FHIT: variants seen among roughly 807,000 people sequenced by gnomAD.
The protein encoded by FHIT is bis(5'-adenosyl)-triphosphatase.
In FHIT, 19 loss-of-function variants were observed where a neutral mutation model predicts 17.9. The observed-to-expected ratio is 1.06, with a 90% CI of 0.74 to 1.56. FHIT has a LOEUF of 1.56. Ranked by LOEUF, FHIT falls within the 40% of genes most tolerant of loss-of-function variation. The probability of loss-of-function intolerance (pLI) is 0.00; values close to 1 mark genes in which losing one functional copy is unlikely to be tolerated. For missense variants in FHIT, 248 were observed against 189.2 expected (o/e 1.31, Z -1.82); for synonymous variants, 81 against 69.7 (o/e 1.16, Z -0.81).
intron 9 of FHIT, chr3:59,750,668 A>T (rs932424767): frequency 1.4e-5 from 3 of 220,292 alleles, no homozygotes; most frequent in Non-Finnish European, 1.8e-5. Flanking sequence ...CAAGGATCTG[A>T]GTACAACACC....
intron 4 of FHIT, among the ~76,000 whole-genome samples, chr3:60,639,056 G>A (rs556039464): frequency 2.7e-5 from 4 of 146,352 alleles, no homozygotes; most frequent in Non-Finnish European, 4.5e-5. Context: ...ACCAAGGCAT[G>A]CAAGATTCAA....
At chr3:60,745,799 A>G (rs1279206781) in intron 4 of FHIT, among the ~76,000 whole-genome samples, 1 of 152,196 alleles carries the variant, frequency 6.6e-6, no homozygotes, top group Non-Finnish European at 1.5e-5. Context: ...TGATTCTGTG[A>G]AGCTGAGTAA....
chr3:60,690,611 G>A, intron 4 of FHIT: 13 of 530,064 alleles, frequency 2.5e-5, no homozygotes, highest in South Asian at 1.6e-4. Flanking sequence ...CTCAGAGCAT[G>A]AAAATTTTCT....
chr3:60,051,138 C>A (rs1267753688), intron 5 of FHIT, among the ~76,000 whole-genome samples: 1 of 151,898 alleles, frequency 6.6e-6, no homozygotes, highest in Non-Finnish European at 1.5e-5. Context: ...CCTAATGGGG[C>A]CTTTGAGGTA....
intron 2 of FHIT, among the ~76,000 whole-genome samples, chr3:61,101,469 A>G (rs2035825749): frequency 6.6e-6 from 1 of 152,138 alleles, no homozygotes; most frequent in Admixed American, 6.5e-5. Flanking sequence ...GCAGTCTTGT[A>G]GTATAGTTTG....
intron 5 of FHIT, among the ~76,000 whole-genome samples, chr3:60,411,332 T>C (rs1337152693): frequency 6.6e-6 from 1 of 152,190 alleles, no homozygotes; most frequent in East Asian, 1.9e-4. Flanking sequence ...CAGCATTCAT[T>C]GTAGGGAAAA....
intron 5 of FHIT, among the ~76,000 whole-genome samples, chr3:60,203,156 T>C (rs6650906): frequency 0.039 from 5,863 of 152,240 alleles, 359 homozygotes; most frequent in African/African-American, 0.13. Flanking sequence ...ATGCTAACTA[T>C]AGAGAGTTTG....
chr3:59,985,477 G>C (rs189450931), intron 7 of FHIT, among the ~76,000 whole-genome samples: 2 of 152,194 alleles, frequency 1.3e-5, no homozygotes, highest in Admixed American at 6.5e-5. Flanking sequence ...AAAAAATAAA[G>C]TGTAAGTAAG....
At chr3:60,705,494 C>A (rs969359764) in intron 4 of FHIT, among the ~76,000 whole-genome samples, 1 of 152,098 alleles carries the variant, frequency 6.6e-6, no homozygotes, top group Non-Finnish European at 1.5e-5. Flanking sequence ...ATTTAATGTA[C>A]TTTTTTAAAA....
intron 4 of FHIT, among the ~76,000 whole-genome samples, chr3:60,627,864 T>C (rs188692982): frequency 1.1e-3 from 162 of 152,288 alleles, no homozygotes; most frequent in African/African-American, 3.7e-3. Flanking sequence ...TTGAGTCTTC[T>C]TTCTTTCCTG....
intron 5 of FHIT, among the ~76,000 whole-genome samples, chr3:60,193,238 T>A (rs1386603474): frequency 6.6e-6 from 1 of 152,162 alleles, no homozygotes; most frequent in Non-Finnish European, 1.5e-5. Flanking sequence ...ACTGACCAGT[T>A]GCAGCAACAC....
rs564948099 is a variant in FHIT, at chr3:61,135,363, C to T, written c.-164+65254G>A. Among the ~76,000 whole-genome samples the T allele has an allele frequency of 5.8e-4, 89 of 152,346 alleles. No homozygotes were observed. The South Asian group carries it at 0.017, about 29-fold the overall frequency. On this transcript the variant is annotated intron_variant, in intron 2 of 9. Coordinates refer to ENST00000492590, the MANE Select transcript of FHIT (RefSeq NM_002012.4). ...CTCTAGGTCAAGGGCATATTAACCACTGATATTTATTGAGCACTTACTATG... is the reference window on the plus strand; with the variant it reads ...CTCTAGGTCAAGGGCATATTAACCATTGATATTTATTGAGCACTTACTATG...
intron 5 of FHIT, among the ~76,000 whole-genome samples, chr3:60,342,492 C>G (rs779890495): frequency 2.6e-5 from 4 of 152,114 alleles, no homozygotes; most frequent in African/African-American, 4.8e-5. Context: ...TTTAAATATA[C>G]AGTTTGTGTC....
At chr3:59,780,895 T>A (rs1453296499) in intron 8 of FHIT, among the ~76,000 whole-genome samples, 2 of 152,226 alleles carry the variant, frequency 1.3e-5, no homozygotes, top group Admixed American at 1.3e-4. Context: ...GGCTACAAAT[T>A]CTCCTCTAAG....
At chr3:60,590,470 T>C (rs2038050075) in intron 4 of FHIT, among the ~76,000 whole-genome samples, 2 of 152,104 alleles carry the variant, frequency 1.3e-5, no homozygotes, top group South Asian at 2.1e-4. Context: ...TTATTTTTCA[T>C]AGAGTCCATG....
chr3:60,808,265 T>A (rs1367936794), intron 4 of FHIT, among the ~76,000 whole-genome samples: 1 of 152,240 alleles, frequency 6.6e-6, no homozygotes, highest in Non-Finnish European at 1.5e-5. Context: ...TTTACACTTT[T>A]GTTTTTTTTA....
intron 5 of FHIT, among the ~76,000 whole-genome samples, chr3:60,410,853 C>T (rs1475979581): frequency 1.3e-5 from 2 of 152,134 alleles, no homozygotes; most frequent in African/African-American, 2.4e-5. Flanking sequence ...TTCCTGCAAA[C>T]ACAGACACCA....
chr3:60,985,889 G>T (rs1710702093), intron 3 of FHIT, among the ~76,000 whole-genome samples: 2 of 152,194 alleles, frequency 1.3e-5, no homozygotes, highest in Admixed American at 6.5e-5. Flanking sequence ...CTCCAGGGTA[G>T]AATCCATTTT....
intron 5 of FHIT, among the ~76,000 whole-genome samples, chr3:60,083,080 G>A (rs1441810369): frequency 1.3e-5 from 2 of 151,994 alleles, no homozygotes; most frequent in Non-Finnish European, 2.9e-5. Flanking sequence ...TTTCTTCTAG[G>A]ATTTTTATAG....
Sources: gnomAD v4.1 joint callset for allele counts (sites outside exome capture counted in the v4.1 genomes callset) on GRCh38, gnomAD v4.1.1 for gene constraint, MANE v1.5 for transcripts, NCBI Gene and HGNC (gene_info 2026-07-23, HGNC 2026-07-21) for gene names.